Variants in EPHA6 observed in about 807,000 individuals in gnomAD.
The protein encoded by EPHA6 is EPH receptor A6, also known as ephrin type-A receptor 6.
Under a neutral mutation model 112.0 loss-of-function variants are expected in EPHA6, and 50 were observed. That is an observed-to-expected ratio of 0.45 (90% CI 0.36 to 0.56). The LOEUF is 0.56. Ranked by LOEUF, EPHA6 falls within the 20% of genes least tolerant of loss-of-function variation. EPHA6 has a pLI of 0.00. For missense variants in EPHA6, 1,280 were observed against 1,417.4 expected (o/e 0.90, Z 1.56); for synonymous variants, 529 against 490.7 (o/e 1.08, Z -1.03).
intron 3 of EPHA6, among the ~76,000 whole-genome samples, chr3:97,195,924 T>G (rs2077429417): frequency 6.6e-6 from 1 of 152,098 alleles, no homozygotes; most frequent in African/African-American, 2.4e-5. Flanking sequence ...TTCTTTATCC[T>G]TGACTTTTAT....
intron 15 of EPHA6, among the ~76,000 whole-genome samples, chr3:97,732,226 C>G (rs1168510492): frequency 1.3e-5 from 2 of 151,492 alleles, no homozygotes; most frequent in African/African-American, 4.8e-5. Flanking sequence ...TTCTAGCCAC[C>G]TAAATCTACT....
At chr3:97,232,045 G>A (rs1316377368) in intron 4 of EPHA6, among the ~76,000 whole-genome samples, 2 of 152,122 alleles carry the variant, frequency 1.3e-5, no homozygotes, top group Non-Finnish European at 2.9e-5. Context: ...TGGTTTCGAG[G>A]TTTATTTCTG....
intron 2 of EPHA6, among the ~76,000 whole-genome samples, chr3:96,952,721 T>C (rs1288705598): frequency 6.6e-6 from 1 of 152,194 alleles, no homozygotes; most frequent in Non-Finnish European, 1.5e-5. Context: ...TCCCATTTTG[T>C]AGGTTGTCTA....
intron 11 of EPHA6, among the ~76,000 whole-genome samples, chr3:97,573,228 G>C (rs1399882113): frequency 6.6e-6 from 1 of 152,110 alleles, no homozygotes; most frequent in Non-Finnish European, 1.5e-5. Context: ...GTGTTAATGA[G>C]TTTCTCAATC....
At chr3:97,521,375 T>A (rs947822320) in intron 10 of EPHA6, among the ~76,000 whole-genome samples, 1 of 152,128 alleles carries the variant, frequency 6.6e-6, no homozygotes, top group Non-Finnish European at 1.5e-5. Flanking sequence ...GACTGGGTAA[T>A]TCATAAAGGA....
chr3:97,481,515 G>A (rs1053504677), intron 9 of EPHA6: 9 of 968,006 alleles, frequency 9.3e-6, no homozygotes, highest in African/African-American at 4.9e-5. Context: ...CCTCCGGCGC[G>A]GGGCTAAGTG....
intron 3 of EPHA6, among the ~76,000 whole-genome samples, chr3:97,061,734 G>A (rs888836510): frequency 1.3e-5 from 2 of 152,062 alleles, no homozygotes; most frequent in East Asian, 1.9e-4. Flanking sequence ...GCCAAGATAA[G>A]GCAGGGAATA....
chr3:97,270,373 G>T (rs948933223), intron 5 of EPHA6, among the ~76,000 whole-genome samples: 2 of 152,054 alleles, frequency 1.3e-5, no homozygotes, highest in African/African-American at 4.8e-5. Context: ...TCCCTTGTGG[G>T]TTAAGAAATC....
intron 5 of EPHA6, among the ~76,000 whole-genome samples, chr3:97,327,776 C>A (rs1289697822): frequency 6.7e-6 from 1 of 150,258 alleles, no homozygotes; most frequent in Middle Eastern, 3.3e-3. Flanking sequence ...TGAGGTTCAT[C>A]GAAGTTGTAG....
At chr3:97,374,560 G>A (rs1393301721) in intron 5 of EPHA6, among the ~76,000 whole-genome samples, 1 of 151,918 alleles carries the variant, frequency 6.6e-6, no homozygotes, top group Non-Finnish European at 1.5e-5. Flanking sequence ...TAATGCTAAG[G>A]TTTAGGGTAT....
chr3:97,445,094 CA>C (rs2090290266), intron 6 of EPHA6, among the ~76,000 whole-genome samples: 2 of 151,974 alleles, frequency 1.3e-5, no homozygotes, highest in South Asian at 2.1e-4. Context: ...AATTTGGATA[CA>C]AATATGTCAA....
intron 11 of EPHA6, among the ~76,000 whole-genome samples, chr3:97,582,213 G>A (rs1024624489): frequency 3.3e-5 from 5 of 152,010 alleles, no homozygotes; most frequent in Admixed American, 6.6e-5. Context: ...ATTTTCAGTA[G>A]AGATGGGGTT....
intron 5 of EPHA6, among the ~76,000 whole-genome samples, chr3:97,345,387 T>C (rs147036617): frequency 5.4e-4 from 82 of 152,290 alleles, no homozygotes; most frequent in Non-Finnish European, 1.2e-3. Context: ...TGAGGTACTT[T>C]GCTAAGAATC....
At chr3:97,322,453 A>C (rs551884515) in intron 5 of EPHA6, among the ~76,000 whole-genome samples, 1 of 152,114 alleles carries the variant, frequency 6.6e-6, no homozygotes, top group African/African-American at 2.4e-5. Flanking sequence ...TGACCTTTAG[A>C]AGTTACCCAC....
At chr3:97,160,332 A>G (rs2076384026) in intron 3 of EPHA6, among the ~76,000 whole-genome samples, 1 of 152,132 alleles carries the variant, frequency 6.6e-6, no homozygotes, top group Admixed American at 6.5e-5. Context: ...AGTGCAGTGC[A>G]GCAGAGTGAT....
At chr3:97,309,697 T>C (rs541823437) in intron 5 of EPHA6, among the ~76,000 whole-genome samples, 10 of 151,736 alleles carry the variant, frequency 6.6e-5, no homozygotes, top group African/African-American at 2.4e-4. Flanking sequence ...AGAAGATACA[T>C]TTTAGTATAA....
chr3:97,459,871 G>A (rs866425020), intron 7 of EPHA6, among the ~76,000 whole-genome samples: 2 of 152,122 alleles, frequency 1.3e-5, no homozygotes, highest in Non-Finnish European at 2.9e-5. Flanking sequence ...ATTTAAGCCT[G>A]CATATGTCTC....
chr3:96,902,678 G>A (rs1287611713), intron 2 of EPHA6, among the ~76,000 whole-genome samples: 1 of 152,112 alleles, frequency 6.6e-6, no homozygotes, highest in African/African-American at 2.4e-5. Context: ...GTGCTGCTGA[G>A]TCTGCTGAAC....
At chr3:97,554,749 C>A (rs916328541) in intron 11 of EPHA6, among the ~76,000 whole-genome samples, 1 of 151,900 alleles carries the variant, frequency 6.6e-6, no homozygotes, top group African/African-American at 2.4e-5. Flanking sequence ...TACTTGAGAA[C>A]AGACACAAGG....
Sources: gnomAD v4.1 joint callset for allele counts (sites outside exome capture counted in the v4.1 genomes callset) on GRCh38, gnomAD v4.1.1 for gene constraint, MANE v1.5 for transcripts, NCBI Gene and HGNC (gene_info 2026-07-23, HGNC 2026-07-21) for gene names.